Variants in ETNK1 observed in about 807,000 individuals in gnomAD.
ETNK1 encodes the protein ethanolamine kinase 1.
Under a neutral mutation model 45.1 loss-of-function variants are expected in ETNK1, and 8 were observed. The ratio of observed to expected loss-of-function variants is 0.18; its 90% CI spans 0.10 to 0.32. ETNK1 has a LOEUF of 0.32. ETNK1 is among the 10% of genes least tolerant of loss of function. The pLI is 1.00. For synonymous variants in ETNK1, 152 were observed against 151.9 expected (o/e 1.00, Z -0.01); for missense variants, 302 against 430.6 (o/e 0.70, Z 2.64).
rs1217371018 is a variant in ETNK1 at position 22,687,010 on chromosome 12, A to G, written c.*2056A>G. On this transcript the variant is annotated 3_prime_UTR_variant, in exon 8 of 8. Transcript: ENST00000266517. ...ATAGAGGTTCACTGAGCCATTGCTG[A>G]TAGACTGTGCATAGCTACTAGCTGT... 3 of 151,680 alleles carry G rather than the reference A, an allele frequency of 2.0e-5. No individual in the cohort carries two copies. The highest frequency in any genetic ancestry group is 4.4e-5 in the Non-Finnish European group (3 of 67,716). The allele number at this position is 151,680 out of a possible 1,614,324, so 9.4% of individuals were successfully genotyped here.
intron 4 of ETNK1, among the ~76,000 whole-genome samples, chr12:22,670,147 T>C (rs1954093430): frequency 6.6e-6 from 1 of 152,286 alleles, no homozygotes; most frequent in East Asian, 1.9e-4. Context: ...CAACATATTA[T>C]AATTCAAAAG....
At chr12:22,660,999 T>G in intron 3 of ETNK1, 64 bp from the exon 4 acceptor site, 1 of 1,418,202 alleles carries the variant, frequency 7.1e-7, no homozygotes, top group Non-Finnish European at 9.7e-7. Context: ...AAATAGATTT[T>G]AATCCTTAAT....
chr12:22,680,117 C>G (rs1954200699), intron 6 of ETNK1, among the ~76,000 whole-genome samples: 1 of 152,164 alleles, frequency 6.6e-6, no homozygotes, highest in Admixed American at 6.5e-5. Flanking sequence ...AGCCCTCTTA[C>G]ATGTTAACAG....
chr12:22,681,195 C>T (rs1954212192), intron 6 of ETNK1, among the ~76,000 whole-genome samples: 1 of 140,988 alleles, frequency 7.1e-6, no homozygotes. Flanking sequence ...CACTTTTCCC[C>T]CTATAAAAAT....
At chr12:22,647,359 T>C (rs1953819679) in intron 2 of ETNK1, among the ~76,000 whole-genome samples, 1 of 151,878 alleles carries the variant, frequency 6.6e-6, no homozygotes, top group Non-Finnish European at 1.5e-5. Context: ...AACTGGCACC[T>C]TGTGGGTTGT....
rs148503030 is a variant in ETNK1, at chr12:22,639,225, T to A, written c.157-4538T>A. Among the ~76,000 whole-genome samples, 41 of 152,274 alleles carry A rather than the reference T, an allele frequency of 2.7e-4. 1 individual carries two copies. Among genetic ancestry groups the A allele is most frequent in the African/African-American group, 8.2e-4 (34 of 41,562 alleles). On this transcript the variant is annotated intron_variant, in intron 1 of 7. Coordinates refer to ENST00000266517, the MANE Select transcript of ETNK1 (RefSeq NM_018638.5). ...TTTTTTAATTTTTAATTAATTAATT[T>A]ATTTTTTTAGAGAAGTGGGGTTTTA...
At chr12:22,638,645 G>A (rs938586800) in intron 1 of ETNK1, 2 of 152,072 alleles carry the variant, frequency 1.3e-5, no homozygotes, top group African/African-American at 2.4e-5. Flanking sequence ...TTCTCTAATA[G>A]AGGCTCTAGG....
intron 4 of ETNK1, among the ~76,000 whole-genome samples, chr12:22,669,820 A>C (rs1414632848): frequency 7.7e-6 from 1 of 129,656 alleles, no homozygotes; most frequent in East Asian, 2.0e-4. Context: ...AAACAAAAAG[A>C]GAAAAAAAAT....
chr12:22,649,139 C>G (rs1000305938), intron 2 of ETNK1, among the ~76,000 whole-genome samples: 1 of 151,912 alleles, frequency 6.6e-6, no homozygotes, highest in African/African-American at 2.4e-5. Context: ...ATGGGTTTTG[C>G]AAATATTTTC....
intron 1 of ETNK1, among the ~76,000 whole-genome samples, chr12:22,634,991 T>C (rs1470932385): frequency 6.6e-6 from 1 of 152,254 alleles, no homozygotes; most frequent in Non-Finnish European, 1.5e-5. Flanking sequence ...ACTAATTTTT[T>C]GCCTTTTAAA....
At chr12:22,630,803 G>C (rs1055891538) in intron 1 of ETNK1, among the ~76,000 whole-genome samples, 3 of 151,778 alleles carry the variant, frequency 2.0e-5, no homozygotes, top group Non-Finnish European at 2.9e-5. Flanking sequence ...TAGAGTCGGG[G>C]TTTCACCATG....
chr12:22,639,184 GTTC>G (rs897861146), intron 1 of ETNK1, among the ~76,000 whole-genome samples: 13 of 151,198 alleles, frequency 8.6e-5, no homozygotes, highest in South Asian at 4.2e-4. Context: ...ATTTTTTGTT[GTTC>G]TTCTTTGTGG....
intron 1 of ETNK1, 72 bp downstream of exon 1, chr12:22,625,658 C>T: frequency 6.6e-7 from 1 of 1,515,388 alleles, no homozygotes; most frequent in South Asian, 1.2e-5. Flanking sequence ...CCACAATCGC[C>T]TCTGTCCCAC....
chr12:22,665,153 A>G (rs1954042421), intron 4 of ETNK1, among the ~76,000 whole-genome samples: 1 of 152,130 alleles, frequency 6.6e-6, no homozygotes, highest in African/African-American at 2.4e-5. Flanking sequence ...CTACCCAGTT[A>G]CTTACAGAAA....
At chr12:22,672,473 C>T (rs1954119018) in intron 5 of ETNK1, among the ~76,000 whole-genome samples, 2 of 152,124 alleles carry the variant, frequency 1.3e-5, no homozygotes, top group Non-Finnish European at 2.9e-5. Flanking sequence ...GACTACCAAG[C>T]TTATCATATA....
intron 4 of ETNK1, among the ~76,000 whole-genome samples, chr12:22,662,288 A>G (rs1392003205): frequency 2.4e-5 from 3 of 124,566 alleles, no homozygotes; most frequent in Non-Finnish European, 4.8e-5. Context: ...GAGTTTCACC[A>G]TGTTGGCCAG....
rs766731578 is a variant in ETNK1, at chr12:22,644,347, T to A, written c.416+325T>A. ...GTGTTATACATTTCTTACTGCCGAT[T>A]GCTTATTACTTAATTGTTCATGTTT... On this transcript the variant is annotated intron_variant, in intron 2 of 7. Transcript: ENST00000266517. 3 of 1,496,942 alleles carry A rather than the reference T, an allele frequency of 2.0e-6. No homozygotes were observed. The Admixed American group carries it at 6.6e-5, about 33-fold the overall frequency. 92.7% of individuals were successfully genotyped at this position (1,496,942 alleles called of 1,614,324 possible). A position where few individuals can be genotyped will look rare whatever the true frequency, so the allele number is the denominator to read the frequency against.
chr12:22,627,661 A>T (rs1161515165), intron 1 of ETNK1, among the ~76,000 whole-genome samples: 2 of 152,130 alleles, frequency 1.3e-5, no homozygotes, highest in African/African-American at 2.4e-5. Context: ...GATAAGAATC[A>T]TACCTCACAT....
chr12:22,653,286 G>GT (rs1953900542), intron 2 of ETNK1, among the ~76,000 whole-genome samples: 1 of 152,064 alleles, frequency 6.6e-6, no homozygotes, highest in Non-Finnish European at 1.5e-5. Context: ...TTGAAATCAG[G>GT]AAGTGAAAGA....
Sources: gnomAD v4.1 joint callset for allele counts (sites outside exome capture counted in the v4.1 genomes callset) on GRCh38, gnomAD v4.1.1 for gene constraint, MANE v1.5 for transcripts, NCBI Gene and HGNC (gene_info 2026-07-23, HGNC 2026-07-21) for gene names.